Variants in PLCH1 observed in about 807,000 individuals in gnomAD.
The protein encoded by PLCH1 is 1-phosphatidylinositol 4,5-bisphosphate phosphodiesterase eta-1.
In PLCH1, 60 loss-of-function variants were observed where a neutral mutation model predicts 126.7. That is an observed-to-expected ratio of 0.47 (90% CI 0.38 to 0.59). The LOEUF (loss-of-function observed/expected upper bound fraction) is 0.59. Among genes scored for constraint, PLCH1 ranks in the 20% least tolerant of loss-of-function variants. The pLI, the probability that PLCH1 is intolerant of heterozygous loss-of-function variation, is 0.00. For synonymous variants in PLCH1, 719 were observed against 734.9 expected (o/e 0.98, Z 0.35); for missense variants, 1,723 against 2,040.0 (o/e 0.84, Z 2.99).
chr3:155,631,419 T>C (rs1400953233), intron 2 of PLCH1, among the ~76,000 whole-genome samples: 3 of 152,196 alleles, frequency 2.0e-5, no homozygotes, highest in Non-Finnish European at 2.9e-5. Context: ...AGCATACTTG[T>C]CAACATCCGG....
At chr3:155,617,501 A>G (rs1735937930) in intron 2 of PLCH1, among the ~76,000 whole-genome samples, 1 of 152,046 alleles carries the variant, frequency 6.6e-6, no homozygotes, top group South Asian at 2.1e-4. Flanking sequence ...TTTTCTTTTG[A>G]GCTATTTACA....
chr3:155,533,789 C>T lies in PLCH1; in HGVS notation c.1363-9785G>A, dbSNP rs545870141. On this transcript the variant is annotated intron_variant, in intron 10 of 22. Coordinates refer to ENST00000460012, the MANE Select transcript of PLCH1 (RefSeq NM_014996.4). ...GCTACTGCTCTGTGCAGCCTTGGGACTTGGTACTCTACAACCTAGCCATGG... is the reference window on the plus strand; with the variant it reads ...GCTACTGCTCTGTGCAGCCTTGGGATTTGGTACTCTACAACCTAGCCATGG... Among the ~76,000 whole-genome samples the T allele has an allele frequency of 6.6e-5, 10 of 152,338 alleles. No homozygotes were observed. In the South Asian group the frequency reaches 8.3e-4, roughly 13 times the overall value.
chr3:155,615,931 C>T (rs1163104972), intron 2 of PLCH1, among the ~76,000 whole-genome samples: 2 of 152,070 alleles, frequency 1.3e-5, no homozygotes, highest in Non-Finnish European at 2.9e-5. Context: ...AAAAATTAGA[C>T]ATTTGGTCTA....
At chr3:155,627,768 GATT>G (rs1159951163) in intron 2 of PLCH1, among the ~76,000 whole-genome samples, 3,146 of 140,322 alleles carry the variant, frequency 0.022, 133 homozygotes, top group African/African-American at 0.082. Flanking sequence ...AGTTATCGGA[GATT>G]TTTTTTTTTT....
intron 2 of PLCH1, among the ~76,000 whole-genome samples, chr3:155,677,259 C>G (rs1744169386): frequency 6.6e-6 from 1 of 152,182 alleles, no homozygotes; most frequent in Non-Finnish European, 1.5e-5. Flanking sequence ...CCAGGGCCAC[C>G]CAGCCTAGAT....
chr3:155,479,407 C>T (rs78298969), downstream of PLCH1, among the ~76,000 whole-genome samples: 1 of 152,182 alleles, frequency 6.6e-6, no homozygotes, highest in African/African-American at 2.4e-5. Context: ...AAAGGACCCC[C>T]AACCTTGGGG....
intron 2 of PLCH1, among the ~76,000 whole-genome samples, chr3:155,631,399 G>A (rs1187927197): frequency 1.3e-5 from 2 of 152,112 alleles, no homozygotes; most frequent in African/African-American, 4.8e-5. Context: ...TCAACAAAAA[G>A]CACTGAGGCA....
chr3:155,606,168 T>C (rs1072140), intron 2 of PLCH1, among the ~76,000 whole-genome samples: 28,905 of 152,144 alleles, frequency 0.19, 3,551 homozygotes, highest in African/African-American at 0.35. Context: ...ATCTTGTTTT[T>C]TGAGGAAAAA....
At position 155,482,857 on chromosome 3, in the gene PLCH1, T is replaced by C; in HGVS notation, c.3169A>G (p.Arg1057Gly). 1 of 1,614,192 alleles carries C rather than the reference T, an allele frequency of 6.2e-7. No homozygotes were observed. The highest frequency in any genetic ancestry group is 8.5e-7 in the Non-Finnish European group (1 of 1,180,028). Reference sequence around the variant, plus strand: ...TTGCTTGTGGCATTTGATGTGGTTCTCCCACCCCTAGGACTTGACATGCCC... The same window carrying C: ...TTGCTTGTGGCATTTGATGTGGTTCCCCCACCCCTAGGACTTGACATGCCC... The part of the protein sequence containing the change: ...QLGMSSPRGG[R>G]TTSNATSNCQ... Residue 1057 changes from arginine (R) to glycine (G), a missense_variant, in exon 23 of 23, where the codon AGA becomes GGA. Physicochemically the swap from Arg to Gly is moderately radical, Grantham distance 125 (BLOSUM62 -2). Around this residue, in one of 2 missense-constraint regions of PLCH1, gnomAD observed 947 missense variants for 977.1 expected, o/e 0.97. Transcript: ENST00000460012.
At chr3:155,624,224 T>C (rs995717385) in intron 2 of PLCH1, among the ~76,000 whole-genome samples, 1 of 152,190 alleles carries the variant, frequency 6.6e-6, no homozygotes, top group South Asian at 2.1e-4. Flanking sequence ...AAACTCTCAA[T>C]AAACTAGGTA....
At chr3:155,518,982 C>T (rs1305550583) in intron 11 of PLCH1, among the ~76,000 whole-genome samples, 1 of 152,252 alleles carries the variant, frequency 6.6e-6, no homozygotes, top group Admixed American at 6.5e-5. Context: ...TATAATTATT[C>T]ACTTCACATC....
At chr3:155,734,197 G>A (rs1249175995) in intron 1 of PLCH1, among the ~76,000 whole-genome samples, 1 of 152,090 alleles carries the variant, frequency 6.6e-6, no homozygotes, top group East Asian at 1.9e-4. Flanking sequence ...AGTGTCTCAT[G>A]TTTGTAATCC....
chr3:155,736,835 A>G (rs551437996), intron 1 of PLCH1, among the ~76,000 whole-genome samples: 2 of 152,094 alleles, frequency 1.3e-5, no homozygotes, highest in South Asian at 4.2e-4. Flanking sequence ...TTATTTATTC[A>G]TTTATTATTG....
At chr3:155,589,740 T>C (rs192682167) in intron 4 of PLCH1, among the ~76,000 whole-genome samples, 182 of 152,296 alleles carry the variant, frequency 1.2e-3, no homozygotes, top group African/African-American at 4.1e-3. Flanking sequence ...CTTTCATTTA[T>C]CTGAATAGGA....
intron 1 of PLCH1, among the ~76,000 whole-genome samples, chr3:155,718,870 G>A (rs1479371463): frequency 1.3e-5 from 2 of 149,934 alleles, no homozygotes; most frequent in African/African-American, 2.4e-5. Context: ...ACCAAGTACT[G>A]AGGAAGTATA....
intron 2 of PLCH1, among the ~76,000 whole-genome samples, chr3:155,662,643 C>T (rs1275155049): frequency 6.6e-6 from 1 of 151,744 alleles, no homozygotes; most frequent in Non-Finnish European, 1.5e-5. Context: ...ATTATTATTG[C>T]CTTTCAGGTT....
At chr3:155,687,878 C>G (rs934981463) in intron 2 of PLCH1, among the ~76,000 whole-genome samples, 3 of 152,166 alleles carry the variant, frequency 2.0e-5, no homozygotes, top group African/African-American at 7.2e-5. Context: ...TTTTGCAGAG[C>G]AGCAACTCTA....
chr3:155,736,961 G>A (rs1445938090), intron 1 of PLCH1, among the ~76,000 whole-genome samples: 1 of 151,932 alleles, frequency 6.6e-6, no homozygotes, highest in Non-Finnish European at 1.5e-5. Context: ...CGGGCACAGT[G>A]GCTCATGCCT....
Position 155,485,452 on chromosome 3 carries a change from G to A in PLCH1, c.2878C>T (p.Pro960Ser), listed in dbSNP as rs747074318. The A allele has an allele frequency of 6.2e-7, 1 of 1,613,946 alleles. No homozygotes were observed. Among genetic ancestry groups the A allele is most frequent in the African/African-American group, 1.3e-5 (1 of 74,898 alleles). Residue 960 changes from proline (P) to serine (S), a missense_variant, in exon 22 of 23, where the codon CCT becomes TCT. Physicochemically the swap from Pro to Ser is moderately conservative, Grantham distance 74. This residue lies in a region of PLCH1 where 947 missense variants were observed against 977.1 expected (regional missense o/e 0.97). Transcript: ENST00000460012. The stretch of plus-strand genomic sequence containing the variant: ...TTTCTGTCAACAGGCATAGAGACAG[G>A]GCGTGCTTGCAAACTGCGTGTGGTC... The part of the protein sequence containing the change: ...RRTTRSLQAR[P>S]VSMPVDRNLL...
Sources: gnomAD v4.1 joint callset for allele counts (sites outside exome capture counted in the v4.1 genomes callset) on GRCh38, gnomAD v4.1.1 for gene constraint, gnomAD v4.1.1 regional missense constraint, MANE v1.5 for transcripts, NCBI Gene and HGNC (gene_info 2026-07-23, HGNC 2026-07-21) for gene names.